Variants in USP39 observed in about 807,000 individuals in gnomAD.
The protein encoded by USP39 is ubiquitin specific peptidase 39, also known as ubiquitin carboxyl-terminal hydrolase 39.
A neutral mutation model predicts 66.4 loss-of-function variants in USP39; 38 were observed. The observed-to-expected ratio is 0.57, with a 90% CI of 0.44 to 0.75. USP39 has a LOEUF of 0.75. Ranked by LOEUF, USP39 falls within the 30% of genes least tolerant of loss-of-function variation. The pLI is 0.00. For missense variants in USP39, 608 were observed against 714.4 expected (o/e 0.85, Z 1.70); for synonymous variants, 303 against 274.6 (o/e 1.10, Z -1.02).
intron 3 of USP39, among the ~76,000 whole-genome samples, chr2:85,622,874 C>T (rs1001259009): frequency 6.6e-6 from 1 of 151,944 alleles, no homozygotes; most frequent in Non-Finnish European, 1.5e-5. Flanking sequence ...AAGACCCTGT[C>T]TCAAAAAAAG....
intron 3 of USP39, among the ~76,000 whole-genome samples, chr2:85,622,291 T>A (rs543190797): frequency 2.6e-5 from 4 of 151,768 alleles, no homozygotes; most frequent in Non-Finnish European, 5.9e-5. Context: ...CCGGCTAATT[T>A]TAGTATTTTT....
At chr2:85,617,181 T>TG (rs1336429415) in intron 1 of USP39, among the ~76,000 whole-genome samples, 4 of 143,956 alleles carry the variant, frequency 2.8e-5, no homozygotes, top group Admixed American at 6.9e-5. Context: ...CTCGAACTCC[T>TG]GGACTCAAGT....
chr2:85,644,820 T>C, intron 10 of USP39, 128 bp from the exon 11 acceptor site: 1 of 1,302,952 alleles, frequency 7.7e-7, no homozygotes, highest in Non-Finnish European at 1.0e-6. Context: ...TTCTTGACTC[T>C]GCAAGCCTAC....
Position 85,644,972 on chromosome 2 carries a change from G to A in USP39, c.1452G>A (p.Leu484=). ...GAAATGTGGATCTGAGAGAATACTT[G>A]TCTGAAGAAGTACAAGCAGTACACA... ...PITNVDLREY[L]SEEVQAVHKN... is the part of the protein sequence containing the mutation. The change falls in exon 11 of 13, where the codon TTG becomes TTA. Residue 484 remains leucine, a synonymous_variant. Coordinates refer to ENST00000323701, the MANE Select transcript of USP39 (RefSeq NM_006590.4). 6.2e-7 allele frequency: 1 copy of A among 1,614,072 alleles called. No homozygotes were observed. Among genetic ancestry groups the A allele is most frequent in the South Asian group, 1.1e-5 (1 of 91,078 alleles).
At chr2:85,624,873 G>A (rs1447164285) in intron 4 of USP39, among the ~76,000 whole-genome samples, 1 of 151,666 alleles carries the variant, frequency 6.6e-6, no homozygotes, top group Non-Finnish European at 1.5e-5. Context: ...TGAGGCAGGA[G>A]AGTTGCTTGA....
At chr2:85,629,035 T>G (rs530622853) in intron 5 of USP39, among the ~76,000 whole-genome samples, 1 of 152,212 alleles carries the variant, frequency 6.6e-6, no homozygotes, top group South Asian at 2.1e-4. Context: ...TTATTTAGGG[T>G]GTCTTTGGTC....
At chr2:85,632,647 A>G (rs1675444894) in intron 6 of USP39, among the ~76,000 whole-genome samples, 1 of 151,972 alleles carries the variant, frequency 6.6e-6, no homozygotes, top group Non-Finnish European at 1.5e-5. Context: ...ACAGGGTTTC[A>G]TCGTGTTAGC....
chr2:85,619,650 A>G (rs973007914), intron 2 of USP39, among the ~76,000 whole-genome samples: 1 of 151,648 alleles, frequency 6.6e-6, no homozygotes, highest in Non-Finnish European at 1.5e-5. Context: ...AGTTTACCTC[A>G]TCATAGCATT....
upstream of USP39, chr2:85,611,425 C>G: frequency 6.6e-7 from 1 of 1,515,850 alleles, no homozygotes; most frequent in East Asian, 2.5e-5. Flanking sequence ...GGCAAACCGG[C>G]AGATAAACTT....
chr2:85,646,910 C>CA (rs1231201908), intron 11 of USP39, among the ~76,000 whole-genome samples: 6 of 120,874 alleles, frequency 5.0e-5, no homozygotes, highest in Non-Finnish European at 8.3e-5. Context: ...TTTTTTAAGA[C>CA]AGAGTCTCAC....
chr2:85,605,207 C>T (rs1295489330), intron 1 of USP39, among the ~76,000 whole-genome samples: 1 of 151,962 alleles, frequency 6.6e-6, no homozygotes, highest in East Asian at 1.9e-4. Context: ...ATTTAACCTC[C>T]ACTTCCCCAA....
chr2:85,639,856 C>G (rs1414759282), intron 9 of USP39: 1 of 152,978 alleles, frequency 6.5e-6, no homozygotes, highest in Non-Finnish European at 1.5e-5. Flanking sequence ...ACTGGTCACC[C>G]CCAACTCTTA....
upstream of USP39, chr2:85,608,898 C>T (rs755211478): frequency 6.2e-7 from 1 of 1,604,792 alleles, no homozygotes; most frequent in South Asian, 1.1e-5. Context: ...GGGCAGAATT[C>T]TTCCGAGTGC....
upstream of USP39, chr2:85,611,508 A>C (rs913486310): frequency 9.0e-6 from 14 of 1,550,898 alleles, no homozygotes; most frequent in Non-Finnish European, 1.2e-5. Context: ...TCTTGGTGAG[A>C]ATCATTCAGC....
chr2:85,626,150 A>C (rs1041329594), intron 5 of USP39, among the ~76,000 whole-genome samples: 1 of 152,142 alleles, frequency 6.6e-6, no homozygotes, highest in Admixed American at 6.5e-5. Flanking sequence ...ACCTGAGGTC[A>C]GGAGTTCGAG....
At chr2:85,611,562 G>T, upstream of USP39, 3 of 1,551,120 alleles carry the variant, frequency 1.9e-6, no homozygotes, top group South Asian at 1.2e-5. Flanking sequence ...AAAGAGACGA[G>T]ATGAGCTGAA....
intron 1 of USP39, among the ~76,000 whole-genome samples, chr2:85,604,865 C>A (rs1414530234): frequency 6.6e-6 from 1 of 152,228 alleles, no homozygotes; most frequent in Non-Finnish European, 1.5e-5. Context: ...TACTCAAGTT[C>A]TAACATGATG....
chr2:85,623,500 T>A, intron 3 of USP39, 146 bp from the exon 4 acceptor site: 1 of 1,185,038 alleles, frequency 8.4e-7, no homozygotes, highest in Non-Finnish European at 1.1e-6. Flanking sequence ...GAACTTCATG[T>A]GGAGGATTCA....
At chr2:85,640,890 A>T in intron 9 of USP39, 86 bp from the exon 10 acceptor site, 2 of 1,291,784 alleles carry the variant, frequency 1.5e-6, no homozygotes, top group Non-Finnish European at 2.1e-6. Context: ...ATTATATTTT[A>T]AAAAATCGAA....
Sources: allele counts gnomAD v4.1 joint callset (sites outside exome capture counted in the v4.1 genomes callset), GRCh38; gene constraint gnomAD v4.1.1; transcripts MANE v1.5; gene names NCBI Gene and HGNC (gene_info 2026-07-23, HGNC 2026-07-21).